The following ARL8A variants were observed in gnomAD, a reference collection of about 807,000 sequenced individuals.
ARL8A encodes ARF like GTPase 8A, also known as ADP-ribosylation factor-like protein 8A.
ARL8A carries 10 observed loss-of-function variants against 31.2 expected under a neutral mutation model. The observed-to-expected ratio is 0.32, with a 90% CI of 0.20 to 0.54. The LOEUF (loss-of-function observed/expected upper bound fraction) is 0.54. Ranked by LOEUF, ARL8A falls within the 20% of genes least tolerant of loss-of-function variation. The pLI is 0.93. For missense variants in ARL8A, 129 were observed against 242.8 expected, an observed-to-expected ratio of 0.53 and a Z score of 3.12; for synonymous variants, 70 against 86.9, an observed-to-expected ratio of 0.81 and a Z score of 1.08.
chr1:202,141,869 CTT>C (rs201744664), intron 1 of ARL8A, among the ~76,000 whole-genome samples: 35 of 147,010 alleles, frequency 2.4e-4, no homozygotes, highest in Middle Eastern at 3.5e-3. Flanking sequence ...TTTTAGGTTC[CTT>C]TTTTTTTTTT....
intron 1 of ARL8A, among the ~76,000 whole-genome samples, chr1:202,143,103 T>C (rs1655203237): frequency 6.6e-6 from 1 of 152,162 alleles, no homozygotes; most frequent in Admixed American, 6.5e-5. Flanking sequence ...AACCGCAGCA[T>C]TGGCCTGAAG....
rs1366564732 is a variant in ARL8A at position 202,144,430 on chromosome 1, C to G, written c.123+20G>C. 3 of 1,382,090 alleles carry G rather than the reference C, an allele frequency of 2.2e-6. No homozygotes were observed. In the African/African-American group the frequency reaches 4.6e-5, roughly 21 times the overall value. 85.6% of individuals were successfully genotyped at this position (1,382,090 alleles called of 1,614,324 possible). A position where few individuals can be genotyped will look rare whatever the true frequency, so the allele number is the denominator to read the frequency against. ...ACCCGCGGCCCGCGCCCGGGGACCC[C>G]GCGCCCGACGCCCTCGTACCGCGAT... is the stretch of plus-strand genomic sequence containing the variant. On this transcript the variant is annotated intron_variant, in intron 1 of 6. Coordinates refer to ENST00000272217, the MANE Select transcript of ARL8A (RefSeq NM_138795.4). The surrounding 1 kb of genome is among the most constrained non-coding windows in gnomAD (Gnocchi z 5.2).
Position 202,144,648 on chromosome 1 carries a change from C to A in ARL8A, c.-76G>T, listed in dbSNP as rs988384241. On this transcript the variant is annotated 5_prime_UTR_variant, in exon 1 of 7. Transcript: ENST00000272217. The surrounding 1 kb of genome is among the most constrained non-coding windows in gnomAD (Gnocchi z 5.2). Reference sequence around the variant, plus strand: ...GCCCTCGCGCTGCGGCCCGGAGCGGCCCCTCCCCGGTACGGCCCGGGTCCC... The same window carrying A: ...GCCCTCGCGCTGCGGCCCGGAGCGGACCCTCCCCGGTACGGCCCGGGTCCC... The A allele has an allele frequency of 1.3e-5, 15 of 1,189,204 alleles. No homozygotes were observed. Among genetic ancestry groups the A allele is most frequent in the African/African-American group, 3.3e-5 (2 of 60,578 alleles). 73.7% of individuals were successfully genotyped at this position (1,189,204 alleles called of 1,614,324 possible). A position where few individuals can be genotyped will look rare whatever the true frequency, so the allele number is the denominator to read the frequency against.
At chr1:202,140,784 C>T (rs756281623) in intron 1 of ARL8A, among the ~76,000 whole-genome samples, 8 of 152,148 alleles carry the variant, frequency 5.3e-5, no homozygotes, top group African/African-American at 1.4e-4. Flanking sequence ...ACCCAAACCC[C>T]GGCAGCCTGC....
chr1:202,138,486 T>C lies in ARL8A; in HGVS notation c.124-38A>G, dbSNP rs778047869. ...CTCAGAATGGGAAACAGTGCAAAAA[T>C]CGATATGCCCCCACCGCAGACCAAG... On this transcript the variant is annotated intron_variant, in intron 1 of 6. Coordinates refer to ENST00000272217, the MANE Select transcript of ARL8A (RefSeq NM_138795.4). The surrounding 1 kb of genome is among the most constrained non-coding windows in gnomAD (Gnocchi z 4.4). The C allele has an allele frequency of 4.3e-5, 68 of 1,588,566 alleles. No individual in the cohort carries two copies. The highest frequency in any genetic ancestry group is 5.9e-5 in the Non-Finnish European group (68 of 1,156,964).
chr1:202,138,294 A>AACACACACACACACACACACAC lies in ARL8A; in HGVS notation c.204+52_204+73dup, dbSNP rs10531175. On this transcript the variant is annotated intron_variant, in intron 2 of 6. Coordinates refer to ENST00000272217, the MANE Select transcript of ARL8A (RefSeq NM_138795.4). The surrounding 1 kb of genome is among the most constrained non-coding windows in gnomAD (Gnocchi z 4.4). ...CCCAGGGGCCTCCGTTGCCCTCCCC[A>AACACACACACACACACACACAC]ACACACACACACACACACACACACA... 289 of 1,337,884 alleles carry AACACACACACACACACACACAC rather than the reference A, an allele frequency of 2.2e-4. 2 individuals are homozygous for AACACACACACACACACACACAC. In the African/African-American group the frequency reaches 3.9e-3, roughly 18 times the overall value. The allele number at this position is 1,337,884 out of a possible 1,614,324, so 82.9% of individuals were successfully genotyped here.
At chr1:202,139,302 C>T (rs867924149) in intron 1 of ARL8A, among the ~76,000 whole-genome samples, 3 of 152,244 alleles carry the variant, frequency 2.0e-5, no homozygotes, top group Middle Eastern at 3.4e-3. Flanking sequence ...CGGCCGGGCG[C>T]GATGGCTCAC....
In ARL8A at chr1:202,138,475, C is replaced by G. The variant is rs760003259; in HGVS notation, c.124-27G>C. The G allele has an allele frequency of 6.8e-6, 11 of 1,608,102 alleles. No individual in the cohort carries two copies. Among genetic ancestry groups the G allele is most frequent in the Non-Finnish European group, 8.5e-6 (10 of 1,174,616 alleles). On this transcript the variant is annotated intron_variant, in intron 1 of 6. Transcript: ENST00000272217. The surrounding 1 kb of genome is among the most constrained non-coding windows in gnomAD (Gnocchi z 4.4). Reference sequence around the variant, plus strand: ...TGGAAAGAAGACTCAGAATGGGAAACAGTGCAAAAATCGATATGCCCCCAC... The same window carrying G: ...TGGAAAGAAGACTCAGAATGGGAAAGAGTGCAAAAATCGATATGCCCCCAC...
chr1:202,140,049 T>C (rs1655124525), intron 1 of ARL8A, among the ~76,000 whole-genome samples: 1 of 152,136 alleles, frequency 6.6e-6, no homozygotes, highest in Admixed American at 6.6e-5. Context: ...TTAGCCAAGA[T>C]GTAGGAGATG....
At chr1:202,142,315 C>A (rs1655184020) in intron 1 of ARL8A, among the ~76,000 whole-genome samples, 1 of 152,220 alleles carries the variant, frequency 6.6e-6, no homozygotes, top group Admixed American at 6.5e-5. Context: ...AGATCTGAGA[C>A]AAACAGAGGC....
In ARL8A at chr1:202,144,674, G is replaced by T; in HGVS notation, c.-102C>A. Reference sequence around the variant, plus strand: ...CCCTCCCCGGTACGGCCCGGGTCCCGCGGCTCGGTGCGGGCGGAGGCTCGA... The same window carrying T: ...CCCTCCCCGGTACGGCCCGGGTCCCTCGGCTCGGTGCGGGCGGAGGCTCGA... On this transcript the variant is annotated 5_prime_UTR_variant, in exon 1 of 7. Transcript: ENST00000272217. This position sits in a 1 kb window ranked among gnomAD's most constrained non-coding sequence, Gnocchi z 5.2. 5.7e-6 allele frequency: 6 copies of T among 1,056,574 alleles called. No individual in the cohort carries two copies. Among genetic ancestry groups the T allele is most frequent in the Non-Finnish European group, 5.7e-6 (5 of 875,468 alleles). 65.4% of individuals were successfully genotyped at this position (1,056,574 alleles called of 1,614,324 possible).
In ARL8A at chr1:202,138,089, C is replaced by T. The variant is rs534375535; in HGVS notation, c.205-51G>A. 143 of 1,605,946 alleles carry T rather than the reference C, an allele frequency of 8.9e-5. No homozygotes were observed. The highest frequency in any genetic ancestry group is 1.2e-4 in the Non-Finnish European group (137 of 1,173,828). On this transcript the variant is annotated intron_variant, in intron 2 of 6. Coordinates refer to ENST00000272217, the MANE Select transcript of ARL8A (RefSeq NM_138795.4). The surrounding 1 kb of genome is among the most constrained non-coding windows in gnomAD (Gnocchi z 4.4). ...CTCAGTAGTGGGCAGGCCACCAAAA[C>T]GTGTCTTGGGTCTCAAATGCCCCCT...
chr1:202,143,090 C>CA (rs1297381588), intron 1 of ARL8A, among the ~76,000 whole-genome samples: 1 of 152,182 alleles, frequency 6.6e-6, no homozygotes, highest in Non-Finnish European at 1.5e-5. Context: ...ATTACTGTGC[C>CA]AAAACCGCAG....
At position 202,136,179 on chromosome 1, in the gene ARL8A, T is replaced by C. The variant is rs754208639; in HGVS notation, c.279-379A>G. Among the ~76,000 whole-genome samples the C allele has an allele frequency of 3.0e-4, 45 of 152,248 alleles. 1 individual carries two copies. Among genetic ancestry groups the C allele is most frequent in the Admixed American group, 1.3e-4 (2 of 15,284 alleles). ...AGCAAAGGAAACCTTAGAAGATTTCTTTTAGCAAGATACTTTTTGTTATCA... is the reference window on the plus strand; with the variant it reads ...AGCAAAGGAAACCTTAGAAGATTTCCTTTAGCAAGATACTTTTTGTTATCA... On this transcript the variant is annotated intron_variant, in intron 3 of 6. Coordinates refer to ENST00000272217, the MANE Select transcript of ARL8A (RefSeq NM_138795.4).
chr1:202,141,279 C>T (rs1165356695), intron 1 of ARL8A, among the ~76,000 whole-genome samples: 1 of 152,224 alleles, frequency 6.6e-6, no homozygotes, highest in Admixed American at 6.5e-5. Flanking sequence ...CCTCTTGTCT[C>T]AGACTTCAGT....
At position 202,144,253 on chromosome 1, in the gene ARL8A, T is replaced by C. The variant is rs922818521; in HGVS notation, c.123+197A>G. Reference sequence around the variant, plus strand: ...GTACCGGCCCGGGTGAGAGAGCGGGTCGCGCGCCGCCCCGGTCCCCCACGG... The same window carrying C: ...GTACCGGCCCGGGTGAGAGAGCGGGCCGCGCGCCGCCCCGGTCCCCCACGG... On this transcript the variant is annotated intron_variant, in intron 1 of 6. Transcript: ENST00000272217. This position sits in a 1 kb window ranked among gnomAD's most constrained non-coding sequence, Gnocchi z 5.2. 1.7e-4 allele frequency among the ~76,000 whole-genome samples: 26 copies of C among 150,864 alleles called. No individual in the cohort carries two copies. Among genetic ancestry groups the C allele is most frequent in the Non-Finnish European group, 3.1e-4 (21 of 67,646 alleles).
chr1:202,139,292 C>T (rs746992539), intron 1 of ARL8A, among the ~76,000 whole-genome samples: 2 of 152,084 alleles, frequency 1.3e-5, no homozygotes, highest in Non-Finnish European at 2.9e-5. Flanking sequence ...AGATGGGGCT[C>T]GGCCGGGCGC....
At chr1:202,142,822 A>G (rs550151154) in intron 1 of ARL8A, among the ~76,000 whole-genome samples, 2 of 152,102 alleles carry the variant, frequency 1.3e-5, no homozygotes, top group Non-Finnish European at 2.9e-5. Flanking sequence ...CCACCCGGGT[A>G]CCTGTGGATC....
Position 202,138,471 on chromosome 1 carries a change from G to C in ARL8A, c.124-23C>G. On this transcript the variant is annotated intron_variant, in intron 1 of 6. Coordinates refer to ENST00000272217, the MANE Select transcript of ARL8A (RefSeq NM_138795.4). The surrounding 1 kb of genome is among the most constrained non-coding windows in gnomAD (Gnocchi z 4.4). ...TGACTGGAAAGAAGACTCAGAATGG[G>C]AAACAGTGCAAAAATCGATATGCCC... 6.2e-7 allele frequency: 1 copy of C among 1,609,454 alleles called. No individual in the cohort carries two copies. The highest frequency in any genetic ancestry group is 8.5e-7 in the Non-Finnish European group (1 of 1,175,868).
Sources: allele counts gnomAD v4.1 joint callset (sites outside exome capture counted in the v4.1 genomes callset), GRCh38; gene constraint gnomAD v4.1.1; non-coding constraint Gnocchi (gnomAD v3.1); transcripts MANE v1.5; gene names NCBI Gene and HGNC (gene_info 2026-07-23, HGNC 2026-07-21).